RALGAPA1: variants seen among roughly 807,000 people sequenced by gnomAD.
RALGAPA1 encodes the protein Ral GTPase activating protein catalytic subunit alpha 1.
RALGAPA1 carries 52 observed loss-of-function variants against 269.6 expected under a neutral mutation model. That is an observed-to-expected ratio of 0.19 (90% confidence interval 0.15 to 0.24). The LOEUF is 0.24. Ranked by LOEUF, RALGAPA1 falls within the 10% of genes least tolerant of loss-of-function variation. The pLI is 1.00. For synonymous variants in RALGAPA1, 817 were observed against 1,008.3 expected (o/e 0.81, Z 3.60); for missense variants, 1,917 against 3,013.9 (o/e 0.64, Z 8.52).
At position 35,655,870 on chromosome 14, in the gene RALGAPA1, T is replaced by C. The variant is rs748971680; in HGVS notation, c.5433A>G (p.Leu1811=). The change falls in exon 29 of 42, where the codon CTA becomes CTG. Residue 1811 remains leucine, a synonymous_variant. Transcript: ENST00000680220. The stretch of plus-strand genomic sequence containing the variant: ...TTTGAGGATGATGAGACTCATGGAC[T>C]AGTTCTTCACAAATCCAAATACCTA... ...CSLGIWICEE[L]VHESHHPQIK... 2 of 1,613,588 alleles carry C rather than the reference T, an allele frequency of 1.2e-6. No individual in the cohort carries two copies. The highest frequency in any genetic ancestry group is 8.5e-7 in the Non-Finnish European group (1 of 1,179,704).
chr14:35,805,691 T>C (rs1349184690), intron 1 of RALGAPA1, among the ~76,000 whole-genome samples: 1 of 150,160 alleles, frequency 6.7e-6, no homozygotes, highest in African/African-American at 2.4e-5. Flanking sequence ...TTCTTTTTTT[T>C]TTTTTTTTCC....
At chr14:35,595,913 T>C in intron 36 of RALGAPA1, 124 bp from the exon 37 acceptor site, 1 of 677,798 alleles carries the variant, frequency 1.5e-6, no homozygotes. Context: ...TATCAACCAA[T>C]ATTTAATCTA....
intron 17 of RALGAPA1, among the ~76,000 whole-genome samples, chr14:35,699,115 A>C (rs2067132069): frequency 6.6e-6 from 1 of 152,214 alleles, no homozygotes; most frequent in Non-Finnish European, 1.5e-5. Flanking sequence ...TATTATTGTC[A>C]TCAATTAAAA....
At chr14:35,555,398 GA>G (rs1443584276) in intron 39 of RALGAPA1, among the ~76,000 whole-genome samples, 1 of 151,716 alleles carries the variant, frequency 6.6e-6, no homozygotes, top group East Asian at 1.9e-4. Flanking sequence ...ATAGAGAAGG[GA>G]AAAAAAGGGA....
intron 17 of RALGAPA1, among the ~76,000 whole-genome samples, chr14:35,690,809 C>T (rs1405337091): frequency 6.6e-6 from 1 of 152,058 alleles, no homozygotes; most frequent in East Asian, 1.9e-4. Flanking sequence ...GTGGCTCACA[C>T]CTATAATCCC....
chr14:35,593,187 C>T lies in RALGAPA1; in HGVS notation c.7209+2447G>A, dbSNP rs78302920. ...ATACAAAATCAACATACAAAAATTG[C>T]TAGCATTTCTATATACAAATTATGA... is the stretch of plus-strand genomic sequence containing the variant. On this transcript the variant is annotated intron_variant, in intron 37 of 41. Transcript: ENST00000680220. Among the ~76,000 whole-genome samples the T allele has an allele frequency of 6.2e-3, 950 of 152,108 alleles. 23 individuals are homozygous for T. Among genetic ancestry groups the T allele is most frequent in the East Asian group, 0.034 (177 of 5,184 alleles).
At chr14:35,766,450 A>T in intron 4 of RALGAPA1, 1 of 1,571,296 alleles carries the variant, frequency 6.4e-7, no homozygotes, top group South Asian at 1.1e-5. Context: ...GACCTCTTTG[A>T]GTCTGAGGGG....
At chr14:35,724,231 T>G (rs545248117) in intron 14 of RALGAPA1, among the ~76,000 whole-genome samples, 2 of 152,128 alleles carry the variant, frequency 1.3e-5, no homozygotes, top group East Asian at 3.8e-4. Flanking sequence ...AAGAGGAGTT[T>G]AGATGATACA....
At chr14:35,603,123 C>T (rs1383701312) in intron 36 of RALGAPA1, among the ~76,000 whole-genome samples, 3 of 152,234 alleles carry the variant, frequency 2.0e-5, no homozygotes, top group African/African-American at 4.8e-5. Context: ...AGCAGTACCA[C>T]ACTATCTTCT....
At chr14:35,603,773 A>T (rs2059423856) in intron 36 of RALGAPA1, among the ~76,000 whole-genome samples, 1 of 152,108 alleles carries the variant, frequency 6.6e-6, no homozygotes, top group South Asian at 2.1e-4. Flanking sequence ...GTTCTCACTC[A>T]TATGTGGGAG....
At chr14:35,756,030 C>A (rs1349871572) in intron 7 of RALGAPA1, among the ~76,000 whole-genome samples, 6 of 152,150 alleles carry the variant, frequency 3.9e-5, no homozygotes, top group Non-Finnish European at 5.9e-5. Flanking sequence ...TTACATTTCT[C>A]CTAATCATTA....
intron 33 of RALGAPA1, among the ~76,000 whole-genome samples, chr14:35,634,247 G>T (rs2061532637): frequency 6.6e-6 from 1 of 152,026 alleles, no homozygotes; most frequent in Non-Finnish European, 1.5e-5. Flanking sequence ...TTCAGATTTT[G>T]GATTTTCAGA....
intron 39 of RALGAPA1, among the ~76,000 whole-genome samples, chr14:35,566,910 ACT>A (rs1491465575): frequency 6.7e-6 from 1 of 148,310 alleles, no homozygotes; most frequent in Non-Finnish European, 1.5e-5. Flanking sequence ...ATATATTTGT[ACT>A]ATATATATAT....
chr14:35,798,197 G>A (rs1427954149), intron 1 of RALGAPA1, among the ~76,000 whole-genome samples: 1 of 147,858 alleles, frequency 6.8e-6, no homozygotes, highest in Non-Finnish European at 1.5e-5. Context: ...CCTAAAACCC[G>A]GTCTTGGACT....
In RALGAPA1 at chr14:35,688,862, G is replaced by A. The variant is rs2066217492; in HGVS notation, c.3549C>T (p.Gly1183=). Residue 1183 remains glycine (G), a synonymous_variant, in exon 18 of 42, where the codon GGC becomes GGT. Transcript: ENST00000680220. ...PWKMRLRKLG[G]FSSGSSNSST... is the part of the protein sequence containing the mutation. ...TGCTATTGCTGCTACCACTACTAAA[G>A]CCACCGAGCTTCCGCAGTCTCATCT... 1 of 1,286,442 alleles carries A rather than the reference G, an allele frequency of 7.8e-7. No homozygotes were observed. The highest frequency in any genetic ancestry group is 9.8e-7 in the Non-Finnish European group (1 of 1,019,668). The allele number at this position is 1,286,442 out of a possible 1,614,324, so 79.7% of individuals were successfully genotyped here. A position where few individuals can be genotyped will look rare whatever the true frequency, so the allele number is the denominator to read the frequency against.
intron 39 of RALGAPA1, among the ~76,000 whole-genome samples, chr14:35,558,381 T>C (rs2055836079): frequency 6.6e-6 from 1 of 152,222 alleles, no homozygotes; most frequent in African/African-American, 2.4e-5. Flanking sequence ...ACCAAATTTA[T>C]AACCTTATCT....
chr14:35,806,681 C>T (rs879328309), intron 1 of RALGAPA1, among the ~76,000 whole-genome samples: 3 of 152,038 alleles, frequency 2.0e-5, no homozygotes, highest in African/African-American at 7.2e-5. Context: ...ACTATGGGAC[C>T]AAACAAAAAT....
At chr14:35,603,699 C>G (rs1485113177) in intron 36 of RALGAPA1, among the ~76,000 whole-genome samples, 3 of 152,106 alleles carry the variant, frequency 2.0e-5, no homozygotes, top group Non-Finnish European at 2.9e-5. Flanking sequence ...TTTGCAGAAG[C>G]ATGGATAGAA....
Position 35,808,830 on chromosome 14 carries a change from G to A in RALGAPA1, c.6C>T (p.Phe2=), listed in dbSNP as rs1286012611. The A allele has an allele frequency of 9.3e-6, 15 of 1,609,044 alleles. No homozygotes were observed. Among genetic ancestry groups the A allele is most frequent in the Non-Finnish European group, 1.3e-5 (15 of 1,178,504 alleles). Reference sequence around the variant, plus strand: ...TCACGTCCCCGTGCGGCTTCTTGGAGAACATCCTGTCGCTGCCACTGCCAC... The same window carrying A: ...TCACGTCCCCGTGCGGCTTCTTGGAAAACATCCTGTCGCTGCCACTGCCAC... M[F]SKKPHGDVKK... Residue 2 remains phenylalanine (F), a synonymous_variant, in exon 1 of 42, where the codon TTC becomes TTT. Transcript: ENST00000680220.
Sources: gnomAD v4.1 joint callset for allele counts (sites outside exome capture counted in the v4.1 genomes callset) on GRCh38, gnomAD v4.1.1 for gene constraint, MANE v1.5 for transcripts, NCBI Gene and HGNC (gene_info 2026-07-23, HGNC 2026-07-21) for gene names.